MYT1: variants seen among roughly 807,000 people sequenced by gnomAD.
MYT1 encodes myelin transcription factor I.
MYT1 carries 23 observed loss-of-function variants against 123.0 expected under a neutral mutation model. That is an observed-to-expected ratio of 0.19 (90% CI 0.13 to 0.26). The LOEUF (loss-of-function observed/expected upper bound fraction) is 0.26, where lower values mean the gene tolerates loss of function less well. Ranked by LOEUF, MYT1 falls within the 10% of genes least tolerant of loss-of-function variation. MYT1 has a pLI of 1.00. For missense variants in MYT1, 1,125 were observed against 1,472.5 expected, an observed-to-expected ratio of 0.76 and a Z score of 3.86; for synonymous variants, 518 against 575.3, an observed-to-expected ratio of 0.90 and a Z score of 1.43.
rs374805913 is a variant in MYT1, at chr20:64,207,630, C to T, written c.434C>T (p.Pro145Leu). Residue 145 changes from proline to leucine, a missense_variant, in exon 7 of 23, where the codon CCC becomes CTC. Pro to Leu is a moderately conservative substitution (Grantham distance 98, BLOSUM62 -3). Around this residue, in one of 4 missense-constraint regions of MYT1, gnomAD observed 406 missense variants for 432.2 expected, o/e 0.94. Transcript: ENST00000328439. Reference sequence around the variant, plus strand: ...GTCAAGTCCCATTTTGGATCCAACCCCATCGGCAGCGCCACTGCCTCCTCC... The same window carrying T: ...GTCAAGTCCCATTTTGGATCCAACCTCATCGGCAGCGCCACTGCCTCCTCC... ...SPVKSHFGSN[P>L]IGSATASSKG... 6.2e-7 allele frequency: 1 copy of T among 1,613,722 alleles called. No homozygotes were observed. Among genetic ancestry groups the T allele is most frequent in the Non-Finnish European group, 8.5e-7 (1 of 1,179,996 alleles).
chr20:64,205,149 C>A (rs1389756879), intron 5 of MYT1, 52 bp downstream of exon 5: 1 of 1,584,522 alleles, frequency 6.3e-7, no homozygotes, highest in Non-Finnish European at 8.7e-7. Context: ...GATTTGGAGC[C>A]CCTGCCCACT....
At chr20:64,164,917 T>G (rs1982038299) in intron 1 of MYT1, among the ~76,000 whole-genome samples, 178 bp downstream of exon 1, 1 of 152,090 alleles carries the variant, frequency 6.6e-6, no homozygotes, top group Non-Finnish European at 1.5e-5. Context: ...GACGGGGGCT[T>G]TCTTCTCCTC....
intron 13 of MYT1, among the ~76,000 whole-genome samples, 155 bp from the exon 14 acceptor site, chr20:64,221,738 G>T (rs1381870226): frequency 6.6e-6 from 1 of 152,168 alleles, no homozygotes; most frequent in African/African-American, 2.4e-5. Flanking sequence ...TTGCTGGGGG[G>T]AGTTAAGTCT....
intron 3 of MYT1, among the ~76,000 whole-genome samples, chr20:64,199,456 A>G (rs980951302): frequency 6.6e-6 from 1 of 152,196 alleles, no homozygotes; most frequent in African/African-American, 2.4e-5. Context: ...CTTGGCAGCC[A>G]TCACTGAAGG....
At chr20:64,180,969 C>A (rs1982638643) in intron 1 of MYT1, among the ~76,000 whole-genome samples, 2 of 152,212 alleles carry the variant, frequency 1.3e-5, no homozygotes. Context: ...TATTCTTCTA[C>A]TTCCTGTGAT....
intron 18 of MYT1, among the ~76,000 whole-genome samples, chr20:64,228,912 G>A (rs6062672): frequency 6.6e-6 from 1 of 152,236 alleles, no homozygotes; most frequent in South Asian, 2.1e-4. Context: ...TATGCCCGCA[G>A]GAAGCAGGTT....
Position 64,193,220 on chromosome 20 carries a change from G to A in MYT1, c.-1+3060G>A, listed in dbSNP as rs1355594164. 6.6e-6 allele frequency among the ~76,000 whole-genome samples: 1 copy of A among 152,170 alleles called. No homozygotes were observed. The highest frequency in any genetic ancestry group is 1.5e-5 in the Non-Finnish European group (1 of 68,028). ...GTGATGGCTGCCAGTGGGGATCAGGGGTGAGGGCATATGGTTTAGCCTCAG... is the reference window on the plus strand; with the variant it reads ...GTGATGGCTGCCAGTGGGGATCAGGAGTGAGGGCATATGGTTTAGCCTCAG... On this transcript the variant is annotated intron_variant, in intron 2 of 22. Transcript: ENST00000328439. This position sits in a 1 kb window ranked among gnomAD's most constrained non-coding sequence, Gnocchi z 4.0.
intron 2 of MYT1, among the ~76,000 whole-genome samples, chr20:64,197,379 A>G (rs1983154423): frequency 6.6e-6 from 1 of 152,166 alleles, no homozygotes; most frequent in African/African-American, 2.4e-5. Flanking sequence ...TTCAGGAGCA[A>G]AAGCCCCATT....
intron 15 of MYT1, 49 bp downstream of exon 15, chr20:64,223,222 C>A (rs761769687): frequency 1.2e-6 from 2 of 1,613,134 alleles, no homozygotes; most frequent in Non-Finnish European, 1.7e-6. Context: ...CGTGGTGGGT[C>A]TTCCTCCTCT....
chr20:64,212,529 G>A lies in MYT1; in HGVS notation c.1517+391G>A, dbSNP rs1227995515. 6.6e-5 allele frequency among the ~76,000 whole-genome samples: 10 copies of A among 152,190 alleles called. No individual in the cohort carries two copies. Among genetic ancestry groups the A allele is most frequent in the East Asian group, 1.9e-4 (1 of 5,186 alleles). ...ACGAGCTCCCGAGAGAGCAGGGGGC[G>A]GCCTGCAGAGGAGGGAGCAATGCAC... On this transcript the variant is annotated intron_variant, in intron 9 of 22. Transcript: ENST00000328439. This position sits in a 1 kb window ranked among gnomAD's most constrained non-coding sequence, Gnocchi z 6.8.
chr20:64,218,804 A>G lies in MYT1; in HGVS notation c.1847-107A>G. On this transcript the variant is annotated intron_variant, in intron 11 of 22. Transcript: ENST00000328439. The surrounding 1 kb of genome is among the most constrained non-coding windows in gnomAD (Gnocchi z 4.0). ...GCTGCCTCTTTTCAAGTTGTATATC[A>G]GCCTGGTGTTGTTCCCTTTTTGCAG... The G allele has an allele frequency of 6.8e-7, 1 of 1,476,486 alleles. No homozygotes were observed. Among genetic ancestry groups the G allele is most frequent in the Admixed American group, 1.7e-5 (1 of 59,602 alleles). 91.5% of individuals were successfully genotyped at this position (1,476,486 alleles called of 1,614,324 possible).
In MYT1 at chr20:64,213,783, A is replaced by G. The variant is rs1297957167; in HGVS notation, c.1631+136A>G. ...TGTACGTGCATGTGAGTGTACGTGC[A>G]TGTGAGTGTGCACATGCCCCGGGCC... is the stretch of plus-strand genomic sequence containing the variant. On this transcript the variant is annotated intron_variant, in intron 10 of 22. Transcript: ENST00000328439. The surrounding 1 kb of genome is among the most constrained non-coding windows in gnomAD (Gnocchi z 5.6). 1 of 747,680 alleles carries G rather than the reference A, an allele frequency of 1.3e-6. No individual in the cohort carries two copies. Among genetic ancestry groups the G allele is most frequent in the Non-Finnish European group, 2.2e-6 (1 of 451,652 alleles). The allele number at this position is 747,680 out of a possible 1,614,324, so 46.3% of individuals were successfully genotyped here.
Position 64,207,667 on chromosome 20 carries a change from C to T in MYT1, c.471C>T (p.Tyr157=), listed in dbSNP as rs1983524529. The T allele has an allele frequency of 1.9e-6, 3 of 1,613,980 alleles. No individual in the cohort carries two copies. Among genetic ancestry groups the T allele is most frequent in the African/African-American group, 1.3e-5 (1 of 74,920 alleles). ...CCACTGCCTCCTCCAAGGGCAGCTACAGCAGCTACCAGGGAATCATCGCAA... is the reference window on the plus strand; with the variant it reads ...CCACTGCCTCCTCCAAGGGCAGCTATAGCAGCTACCAGGGAATCATCGCAA... ...GSATASSKGS[Y]SSYQGIIATS... is the part of the protein sequence containing the mutation. The change falls in exon 7 of 23, where the codon TAC becomes TAT. Residue 157 remains tyrosine, a synonymous_variant. Coordinates refer to ENST00000328439, the MANE Select transcript of MYT1 (RefSeq NM_004535.3).
rs576365311 is a variant in MYT1, at chr20:64,168,185, G to A, written c.-99+3446G>A. On this transcript the variant is annotated intron_variant, in intron 1 of 22. Coordinates refer to ENST00000328439, the MANE Select transcript of MYT1 (RefSeq NM_004535.3). This position sits in a 1 kb window ranked among gnomAD's most constrained non-coding sequence, Gnocchi z 6.1. ...AAAAATGAGCAAGAGGAATTTCACC[G>A]GAATTAAAATGTTTTTGATCTCAGG... 9.8e-5 allele frequency among the ~76,000 whole-genome samples: 15 copies of A among 152,344 alleles called. No homozygotes were observed. Among genetic ancestry groups the A allele is most frequent in the East Asian group, 5.8e-4 (3 of 5,190 alleles).
Position 64,211,308 on chromosome 20 carries a change from G to A in MYT1, c.1394G>A (p.Gly465Asp), listed in dbSNP as rs1983657987. ...GLYPHHRSLS[G>D]CPHKDRIPPE... ...TACCCTCACCACCGCAGCCTTTCTGGCTGTCCCCACAAGGATAGGATCCCC... is the reference window on the plus strand; with the variant it reads ...TACCCTCACCACCGCAGCCTTTCTGACTGTCCCCACAAGGATAGGATCCCC... Residue 465 changes from glycine (G) to aspartate (D), a missense_variant, in exon 8 of 23, where the codon GGC becomes GAC. Gly to Asp is a moderately conservative substitution (Grantham distance 94). Around this residue, in one of 4 missense-constraint regions of MYT1, gnomAD observed 429 missense variants for 604.1 expected, o/e 0.71. Coordinates refer to ENST00000328439, the MANE Select transcript of MYT1 (RefSeq NM_004535.3). 6.2e-7 allele frequency: 1 copy of A among 1,613,732 alleles called. No individual in the cohort carries two copies. Among genetic ancestry groups the A allele is most frequent in the African/African-American group, 1.3e-5 (1 of 74,946 alleles).
rs66986839 is a variant in MYT1 at position 64,213,751 on chromosome 20, GTGTGAGTGTACGTGCA to G, written c.1631+130_1631+145del. ...TATGTGCATGTGTGTGAGTGCATGTGTGTGAGTGTACGTGCATGTGAGTGTACGTGCATGTGAGTGT... is the reference window on the plus strand; with the variant it reads ...TATGTGCATGTGTGTGAGTGCATGTGTGTGAGTGTACGTGCATGTGAGTGT... On this transcript the variant is annotated intron_variant, in intron 10 of 22. Transcript: ENST00000328439. The surrounding 1 kb of genome is among the most constrained non-coding windows in gnomAD (Gnocchi z 5.6). The G allele has an allele frequency of 4.7e-5, 44 of 932,834 alleles. No individual in the cohort carries two copies. The highest frequency in any genetic ancestry group is 1.8e-4 in the Admixed American group (9 of 49,926). The allele number at this position is 932,834 out of a possible 1,614,324, so 57.8% of individuals were successfully genotyped here.
chr20:64,211,157 C>G (rs1983654831), intron 7 of MYT1, 49 bp from the exon 8 acceptor site: 1 of 1,583,308 alleles, frequency 6.3e-7, no homozygotes, highest in African/African-American at 1.3e-5. Flanking sequence ...CCCCTCTCTG[C>G]TCACCACCCA....
intron 10 of MYT1, among the ~76,000 whole-genome samples, chr20:64,214,653 C>G (rs1983783719): frequency 6.6e-6 from 1 of 152,186 alleles, no homozygotes; most frequent in African/African-American, 2.4e-5. Context: ...CACCCTGCTC[C>G]CCACTCCCGT....
intron 21 of MYT1, 30 bp from the exon 22 acceptor site, chr20:64,239,730 G>C (rs1984655491): frequency 6.2e-7 from 1 of 1,612,852 alleles, no homozygotes; most frequent in Non-Finnish European, 8.5e-7. Context: ...GCCAAGGGCA[G>C]GCGGCACTTC....
Sources: gnomAD v4.1 joint callset for allele counts (sites outside exome capture counted in the v4.1 genomes callset) on GRCh38, gnomAD v4.1.1 for gene constraint, gnomAD v4.1.1 regional missense constraint, Gnocchi (gnomAD v3.1) non-coding constraint, MANE v1.5 for transcripts, NCBI Gene and HGNC (gene_info 2026-07-23, HGNC 2026-07-21) for gene names.